Variants in CHD7 observed in about 807,000 individuals in gnomAD.
CHD7 encodes ATP-dependent chromatin remodeler CHD7.
In CHD7, 24 loss-of-function variants were observed where a neutral mutation model predicts 307.3. The ratio of observed to expected loss-of-function variants is 0.08; its 90% CI spans 0.06 to 0.11. CHD7 has a LOEUF of 0.11. Ranked by LOEUF, CHD7 falls within the 10% of genes least tolerant of loss-of-function variation. The pLI is 1.00. For synonymous variants in CHD7, 1,363 were observed against 1,349.9 expected (o/e 1.01, Z -0.21); for missense variants, 3,106 against 3,727.1 (o/e 0.83, Z 4.34).
intron 1 of CHD7, among the ~76,000 whole-genome samples, chr8:60,695,468 T>C (rs945592450): frequency 6.6e-6 from 1 of 152,226 alleles, no homozygotes; most frequent in Non-Finnish European, 1.5e-5. Flanking sequence ...ACAAGAGGGC[T>C]ACAGAAATGC....
chr8:60,794,078 C>T lies in CHD7; in HGVS notation c.2097-908C>T, dbSNP rs184219520. Among the ~76,000 whole-genome samples the T allele has an allele frequency of 4.1e-4, 62 of 152,006 alleles. No homozygotes were observed. In the East Asian group the frequency reaches 4.3e-3, roughly 10 times the overall value. ...CGGAGGTTGCAGTGAGCCAAGATCA[C>T]GCCGTTGCATTCTAGCCTGGGCAAC... On this transcript the variant is annotated intron_variant, in intron 3 of 37. Transcript: ENST00000423902.
rs754894988 is a variant in CHD7 at position 60,856,593 on chromosome 8, A to C, written c.7313A>C (p.Gln2438Pro). The C allele has an allele frequency of 1.4e-4, 228 of 1,613,948 alleles. No homozygotes were observed. In the Admixed American group the frequency reaches 3.7e-3, roughly 27 times the overall value. The change falls in exon 34 of 38, where the codon CAA (glutamine) becomes CCA (proline). Residue 2438 changes from glutamine (Q) to proline (P), a missense_variant. Around this residue, in one of 10 missense-constraint regions of CHD7, gnomAD observed 1,030 missense variants for 1,165.4 expected, o/e 0.88. Transcript: ENST00000423902. ...TCTCAGGTGGTCTCAGAAAATGGAC[A>C]AGAAAAAGTTGTAGATTTATCAAAG... ...RESQVVSENGQEKVVDLSKAS... is the reference protein window; with the variant it reads ...RESQVVSENGPEKVVDLSKAS...
At chr8:60,813,577 T>A (rs1812911112) in intron 7 of CHD7, among the ~76,000 whole-genome samples, 1 of 152,168 alleles carries the variant, frequency 6.6e-6, no homozygotes, top group South Asian at 2.1e-4. Context: ...TCAATTCCTA[T>A]CTTCCTAAGC....
At chr8:60,790,343 T>C (rs1243310119) in intron 3 of CHD7, among the ~76,000 whole-genome samples, 2 of 152,188 alleles carry the variant, frequency 1.3e-5, no homozygotes, top group Non-Finnish European at 2.9e-5. Context: ...TCAGGAGGGA[T>C]GGCCTGCTTT....
chr8:60,707,756 A>G (rs1197097353), intron 1 of CHD7, among the ~76,000 whole-genome samples: 3 of 152,230 alleles, frequency 2.0e-5, no homozygotes, highest in Non-Finnish European at 2.9e-5. Flanking sequence ...CATATCTCAA[A>G]AAAAGGGAAA....
rs1748933024 is a variant in CHD7, at chr8:60,739,604, T to G, written c.-174-1655T>G. 2.6e-5 allele frequency among the ~76,000 whole-genome samples: 4 copies of G among 152,224 alleles called. No individual in the cohort carries two copies. In the South Asian group the frequency reaches 8.3e-4, roughly 31 times the overall value. On this transcript the variant is annotated intron_variant, in intron 1 of 37. Coordinates refer to ENST00000423902, the MANE Select transcript of CHD7 (RefSeq NM_017780.4). ...GTTAGCGGCAGAGTGAAGAGACCTT[T>G]GACTTTAGTTGACAGCTGTCACCTG...
At chr8:60,752,074 C>T (rs991696637) in intron 2 of CHD7, among the ~76,000 whole-genome samples, 2 of 152,054 alleles carry the variant, frequency 1.3e-5, no homozygotes, top group Non-Finnish European at 2.9e-5. Flanking sequence ...TCCTGTTTTC[C>T]TCTACTGCTT....
chr8:60,763,471 C>T (rs1344938401), intron 2 of CHD7, among the ~76,000 whole-genome samples: 1 of 151,868 alleles, frequency 6.6e-6, no homozygotes, highest in African/African-American at 2.4e-5. Context: ...GGGGAGCGGT[C>T]AGGGGAGTAG....
chr8:60,717,551 T>C (rs1000636100), intron 1 of CHD7, among the ~76,000 whole-genome samples: 1 of 152,236 alleles, frequency 6.6e-6, no homozygotes, highest in African/African-American at 2.4e-5. Flanking sequence ...TAGTTAAACC[T>C]TATGGGTGTA....
intron 19 of CHD7, 99 bp downstream of exon 19, chr8:60,838,354 TA>T (rs1804829548): frequency 4.9e-6 from 5 of 1,012,004 alleles, no homozygotes; most frequent in Non-Finnish European, 7.3e-6. Context: ...CATTGGGAAT[TA>T]ATCAAATTAA....
intron 15 of CHD7, among the ~76,000 whole-genome samples, chr8:60,832,178 C>T (rs755556858): frequency 5.9e-5 from 9 of 152,234 alleles, no homozygotes; most frequent in South Asian, 2.1e-4. Context: ...TGCGCCACAA[C>T]GCCCAGCTAA....
chr8:60,721,458 C>T (rs1473379979), intron 1 of CHD7, among the ~76,000 whole-genome samples: 5 of 152,166 alleles, frequency 3.3e-5, no homozygotes, highest in East Asian at 1.9e-4. Context: ...AATAAGTTTC[C>T]GTTTAAGCCA....
chr8:60,694,817 G>A (rs1001101965), intron 1 of CHD7, among the ~76,000 whole-genome samples: 3 of 152,208 alleles, frequency 2.0e-5, no homozygotes, highest in African/African-American at 7.2e-5. Flanking sequence ...GCAGCAGGTT[G>A]GATAGATAGG....
intron 3 of CHD7, among the ~76,000 whole-genome samples, chr8:60,794,716 A>G (rs1811935111): frequency 6.6e-6 from 1 of 152,216 alleles, no homozygotes; most frequent in African/African-American, 2.4e-5. Flanking sequence ...ATGGCTTGAT[A>G]TACTGGCAGG....
chr8:60,709,172 T>A (rs1807163633), intron 1 of CHD7, among the ~76,000 whole-genome samples: 1 of 152,244 alleles, frequency 6.6e-6, no homozygotes, highest in African/African-American at 2.4e-5. Context: ...AGGGTTAAGG[T>A]CTGATTTCTA....
At chr8:60,767,240 G>A (rs542565648) in intron 2 of CHD7, among the ~76,000 whole-genome samples, 2 of 152,154 alleles carry the variant, frequency 1.3e-5, no homozygotes, top group Non-Finnish European at 2.9e-5. Context: ...AGCAAATATT[G>A]TTGCTCTTTC....
chr8:60,762,279 C>T (rs1027732920), intron 2 of CHD7, among the ~76,000 whole-genome samples: 4 of 152,204 alleles, frequency 2.6e-5, no homozygotes, highest in African/African-American at 9.7e-5. Flanking sequence ...AACACTCACC[C>T]CTAGTTTAGA....
intron 6 of CHD7, among the ~76,000 whole-genome samples, chr8:60,803,728 T>C (rs962198143): frequency 2.6e-5 from 4 of 152,232 alleles, no homozygotes; most frequent in Non-Finnish European, 4.4e-5. Flanking sequence ...CATTAACAGG[T>C]GCTAACTTTT....
intron 2 of CHD7, among the ~76,000 whole-genome samples, chr8:60,756,976 T>C (rs2150608769): frequency 6.6e-6 from 1 of 152,346 alleles, no homozygotes; most frequent in African/African-American, 2.4e-5. Context: ...ATCTTATTGC[T>C]GGAGAGAAGA....
Sources: allele counts gnomAD v4.1 joint callset (sites outside exome capture counted in the v4.1 genomes callset), GRCh38; gene constraint gnomAD v4.1.1; regional missense constraint gnomAD v4.1.1; transcripts MANE v1.5; gene names NCBI Gene and HGNC (gene_info 2026-07-23, HGNC 2026-07-21).